The following RBL1 variants were observed in gnomAD, a reference collection of about 807,000 sequenced individuals.
The protein encoded by RBL1 is retinoblastoma-like protein 1.
Under a neutral mutation model 123.0 loss-of-function variants are expected in RBL1, and 82 were observed. That is an observed-to-expected ratio of 0.67 (90% confidence interval 0.56 to 0.80). RBL1 has a LOEUF of 0.80. Ranked by LOEUF, RBL1 falls within the 30% of genes least tolerant of loss-of-function variation. The probability of loss-of-function intolerance (pLI) is 0.00; values close to 1 mark genes in which losing one functional copy is unlikely to be tolerated. For synonymous variants in RBL1, 405 were observed against 441.3 expected, an observed-to-expected ratio of 0.92 and a Z score of 1.03; for missense variants, 1,171 against 1,299.6, an observed-to-expected ratio of 0.90 and a Z score of 1.52.
chr20:37,049,075 T>A (rs1421857573), intron 11 of RBL1, among the ~76,000 whole-genome samples: 1 of 151,836 alleles, frequency 6.6e-6, no homozygotes. Context: ...TGGTGGCATA[T>A]GCCTATAGTC....
intron 2 of RBL1, among the ~76,000 whole-genome samples, chr20:37,084,013 A>C (rs1286761511): frequency 1.3e-5 from 2 of 148,714 alleles, no homozygotes; most frequent in Admixed American, 1.4e-4. Flanking sequence ...GGTTCAAGTG[A>C]TTCTCCCACC....
chr20:37,068,431 G>A (rs1318349253), intron 2 of RBL1, among the ~76,000 whole-genome samples: 1 of 151,996 alleles, frequency 6.6e-6, no homozygotes, highest in Non-Finnish European at 1.5e-5. Context: ...TGTCGAGACT[G>A]CAGTTAGCCT....
At chr20:36,998,953 G>A in intron 21 of RBL1, 24 bp from the exon 22 acceptor site, 2 of 1,595,064 alleles carry the variant, frequency 1.3e-6, no homozygotes, top group Non-Finnish European at 1.7e-6. Context: ...GAGAACGTGT[G>A]TGAGTAAAAG....
chr20:37,015,042 A>G (rs112339533), intron 19 of RBL1, among the ~76,000 whole-genome samples: 1,772 of 150,122 alleles, frequency 0.012, 41 homozygotes, highest in African/African-American at 0.041. Context: ...CAGCCTGGGC[A>G]ACAAGAGTGA....
At chr20:37,061,385 T>C (rs2065092320) in intron 8 of RBL1, 116 bp from the exon 9 acceptor site, 12 of 1,380,622 alleles carry the variant, frequency 8.7e-6, no homozygotes, top group Non-Finnish European at 1.0e-5. Flanking sequence ...ATGAAATTTT[T>C]AGCAATACTA....
chr20:37,033,453 G>A (rs1333147935), intron 15 of RBL1, among the ~76,000 whole-genome samples: 1 of 151,780 alleles, frequency 6.6e-6, no homozygotes. Context: ...AAAGTGCTGG[G>A]ATTACAGGAG....
At position 36,997,042 on chromosome 20, in the gene RBL1, T is replaced by G. The variant is rs2146185490; in HGVS notation, c.*1717A>C. 1 of 152,336 alleles carries G rather than the reference T, an allele frequency of 6.6e-6. No homozygotes were observed. Among genetic ancestry groups the G allele is most frequent in the East Asian group, 1.9e-4 (1 of 5,188 alleles). 9.4% of individuals were successfully genotyped at this position (152,336 alleles called of 1,614,324 possible). ...TAGCCATGGTTAAACATAGGTGAGT[T>G]AAACATTGTGCCTTTCCAAAATTAA... On this transcript the variant is annotated 3_prime_UTR_variant, in exon 22 of 22. Transcript: ENST00000373664.
intron 13 of RBL1, among the ~76,000 whole-genome samples, chr20:37,043,513 A>G (rs1255506295): frequency 6.6e-6 from 1 of 150,458 alleles, no homozygotes; most frequent in Non-Finnish European, 1.5e-5. Context: ...ACAGAAAGAA[A>G]AAAAAATTAG....
At chr20:37,050,487 G>A (rs1600532071) in intron 11 of RBL1, among the ~76,000 whole-genome samples, 1 of 137,836 alleles carries the variant, frequency 7.3e-6, no homozygotes, top group East Asian at 2.4e-4. Context: ...GGAGCTTGCA[G>A]TGAGCTGAGA....
chr20:37,016,456 T>G (rs2064255424), intron 19 of RBL1, among the ~76,000 whole-genome samples: 1 of 152,232 alleles, frequency 6.6e-6, no homozygotes, highest in Non-Finnish European at 1.5e-5. Flanking sequence ...TTAAAAGATC[T>G]TTTTGGTGAA....
intron 13 of RBL1, among the ~76,000 whole-genome samples, chr20:37,043,654 A>C (rs996160316): frequency 1.3e-5 from 2 of 152,140 alleles, no homozygotes; most frequent in African/African-American, 4.8e-5. Flanking sequence ...CCCGGGCAAG[A>C]GTGAAACCCC....
chr20:37,033,086 C>T (rs1444389118), intron 15 of RBL1, among the ~76,000 whole-genome samples: 2 of 148,710 alleles, frequency 1.3e-5, no homozygotes, highest in African/African-American at 5.0e-5. Context: ...GGCGCCATCT[C>T]AGCTCACTGT....
Position 36,996,855 on chromosome 20 carries a change from G to GT in RBL1, c.*1903dup, listed in dbSNP as rs2063894531. The GT allele has an allele frequency of 6.6e-6, 1 of 152,158 alleles. No homozygotes were observed. The highest frequency in any genetic ancestry group is 2.4e-5 in the African/African-American group (1 of 41,424). 9.4% of individuals were successfully genotyped at this position (152,158 alleles called of 1,614,324 possible). On this transcript the variant is annotated 3_prime_UTR_variant, in exon 22 of 22. Coordinates refer to ENST00000373664, the MANE Select transcript of RBL1 (RefSeq NM_002895.5). ...TGTACAAAGATTCCAGACAGACTTTGTTTTTTGGCTTATAACAATGTGTAG... is the reference window on the plus strand; with the variant it reads ...TGTACAAAGATTCCAGACAGACTTTGTTTTTTTGGCTTATAACAATGTGTAG...
At position 37,040,182 on chromosome 20, in the gene RBL1, A is replaced by G. The variant is rs745962770; in HGVS notation, c.1874T>C (p.Val625Ala). The G allele has an allele frequency of 1.2e-6, 2 of 1,613,956 alleles. No homozygotes were observed. The highest frequency in any genetic ancestry group is 1.7e-6 in the Non-Finnish European group (2 of 1,179,960). The change falls in exon 14 of 22, where the codon GTT becomes GCT. Residue 625 changes from valine (V) to alanine (A), a missense_variant. Val to Ala is a moderately conservative substitution (Grantham distance 64, BLOSUM62 0). Transcript: ENST00000373664. The part of the protein sequence containing the change: ...SPLMHPRVKE[V>A]RTDSGSLRRD... ...TCGAAGACTCCCACTGTCAGTTCGA[A>G]CTTCCTTGACTCTTGGGTGCATTAG... is the stretch of plus-strand genomic sequence containing the variant.
intron 16 of RBL1, among the ~76,000 whole-genome samples, chr20:37,031,651 C>T (rs2064514130): frequency 2.6e-5 from 4 of 152,202 alleles, no homozygotes; most frequent in Non-Finnish European, 4.4e-5. Flanking sequence ...ACGGTGGTTC[C>T]TCAGAAAATG....
intron 2 of RBL1, among the ~76,000 whole-genome samples, chr20:37,073,392 A>G: frequency 6.6e-6 from 1 of 152,236 alleles, no homozygotes; most frequent in East Asian, 1.9e-4. Context: ...ATTCATTGGG[A>G]TTCTGTTACA....
At position 37,017,935 on chromosome 20, in the gene RBL1, G is replaced by A. The variant is rs147900639; in HGVS notation, c.2722+344C>T. Among the ~76,000 whole-genome samples, 355 of 151,996 alleles carry A rather than the reference G, an allele frequency of 2.3e-3. 2 individuals are homozygous for A. Among genetic ancestry groups the A allele is most frequent in the African/African-American group, 8.2e-3 (340 of 41,460 alleles). ...CAGGTGTGAGCCACCATGCCCAGCCGGGACATTTTCTTAACAGACTCCTCG... is the reference window on the plus strand; with the variant it reads ...CAGGTGTGAGCCACCATGCCCAGCCAGGACATTTTCTTAACAGACTCCTCG... On this transcript the variant is annotated intron_variant, in intron 19 of 21. Coordinates refer to ENST00000373664, the MANE Select transcript of RBL1 (RefSeq NM_002895.5).
Position 37,007,483 on chromosome 20 carries a change from A to C in RBL1, c.2799T>G (p.Phe933Leu). ...CTCTTCCTACATATATTGTATTGTA[A>C]AATTTTATAAGATCACCTCTTTCCT... ...VKEERGDLIK[F>L]YNTIYVGRVK... The change falls in exon 20 of 22, where the codon TTT (phenylalanine) becomes TTG (leucine). Residue 933 changes from phenylalanine (F) to leucine (L), a missense_variant. Phe to Leu is a conservative substitution (Grantham distance 22). Coordinates refer to ENST00000373664, the MANE Select transcript of RBL1 (RefSeq NM_002895.5). The C allele has an allele frequency of 6.2e-7, 1 of 1,613,982 alleles. No homozygotes were observed. Among genetic ancestry groups the C allele is most frequent in the Non-Finnish European group, 8.5e-7 (1 of 1,179,930 alleles).
At chr20:37,032,559 T>C in intron 16 of RBL1, 106 bp downstream of exon 16, 1 of 1,506,228 alleles carries the variant, frequency 6.6e-7, no homozygotes. Flanking sequence ...TGGTAAATTT[T>C]GTGTTATGTA....
Sources: allele counts gnomAD v4.1 joint callset (sites outside exome capture counted in the v4.1 genomes callset), GRCh38; gene constraint gnomAD v4.1.1; transcripts MANE v1.5; gene names NCBI Gene and HGNC (gene_info 2026-07-23, HGNC 2026-07-21).